The following INPP4A variants were observed in gnomAD, a reference collection of about 807,000 sequenced individuals.
INPP4A encodes the protein inositol polyphosphate-4-phosphatase type I A.
A neutral mutation model predicts 119.8 loss-of-function variants in INPP4A; 33 were observed. That is an observed-to-expected ratio of 0.28 (90% CI 0.21 to 0.37). INPP4A has a LOEUF of 0.37. Among genes scored for constraint, INPP4A ranks in the 10% least tolerant of loss-of-function variants. The pLI, the probability that INPP4A is intolerant of heterozygous loss-of-function variation, is 1.00. For missense variants in INPP4A, 956 were observed against 1,289.9 expected (o/e 0.74, Z 3.97); for synonymous variants, 496 against 500.7 (o/e 0.99, Z 0.12).
chr2:98,537,938 C>A lies in INPP4A; in HGVS notation c.543C>A (p.Pro181=). ...TGGAGGAGAAGTCAGACCAACGGCC[C>A]CCTGTGACCCGGTCTGTGGACACTG... is the stretch of plus-strand genomic sequence containing the variant. ...WQMEEKSDQR[P]PVTRSVDTVN... is the part of the protein sequence containing the mutation. The change falls in exon 8 of 25, where the codon CCC becomes CCA. Residue 181 remains proline (P), a synonymous_variant. Transcript: ENST00000409851. 3 of 1,612,702 alleles carry A rather than the reference C, an allele frequency of 1.9e-6. No homozygotes were observed. The South Asian group carries it at 3.3e-5, about 18-fold the overall frequency.
chr2:98,465,977 C>T (rs971893786), intron 1 of INPP4A, among the ~76,000 whole-genome samples: 1 of 152,156 alleles, frequency 6.6e-6, no homozygotes. Context: ...CCACAAGTCT[C>T]ACTCCAGCCC....
At chr2:98,565,797 A>G (rs369534691) in intron 20 of INPP4A, 31 bp downstream of exon 20, 10 of 1,600,046 alleles carry the variant, frequency 6.2e-6, no homozygotes, top group Middle Eastern at 1.7e-4. Flanking sequence ...TCTCTGAGCC[A>G]GAGAGCGGTT....
Position 98,546,688 on chromosome 2 carries a change from A to C in INPP4A, c.1157A>C (p.Lys386Thr). 6.3e-7 allele frequency: 1 copy of C among 1,584,968 alleles called. No homozygotes were observed. Among genetic ancestry groups the C allele is most frequent in the Middle Eastern group, 1.7e-4 (1 of 6,010 alleles). Residue 386 changes from lysine to threonine, a missense_variant, in exon 13 of 25, where the codon AAG becomes ACG. Lys to Thr is a moderately conservative substitution (Grantham distance 78, BLOSUM62 -1). Transcript: ENST00000409851. This position sits in a 1 kb window ranked among gnomAD's most constrained non-coding sequence, Gnocchi z 4.2. ...AAGCTGCACAAATTTGAAGAGACCA[A>C]GAAACAGTAAGTAGCCAGAGAGGGT... Reference protein sequence around the residue: ...RKKLHKFEETKKHTSSGCQSI... With the variant: ...RKKLHKFEETTKHTSSGCQSI...
chr2:98,523,921 G>A (rs1339003228), intron 4 of INPP4A, among the ~76,000 whole-genome samples: 1 of 152,110 alleles, frequency 6.6e-6, no homozygotes, highest in Non-Finnish European at 1.5e-5. Context: ...ATGATTTTTG[G>A]TTGTGGAAGT....
At chr2:98,477,278 C>G (rs1436654690) in intron 1 of INPP4A, among the ~76,000 whole-genome samples, 3 of 152,196 alleles carry the variant, frequency 2.0e-5, no homozygotes, top group East Asian at 1.9e-4. Flanking sequence ...GTGTGCAGCT[C>G]CCCCGCCGTC....
intron 17 of INPP4A, among the ~76,000 whole-genome samples, chr2:98,563,162 G>C (rs1342046907): frequency 1.3e-5 from 2 of 152,168 alleles, no homozygotes; most frequent in Admixed American, 1.3e-4. Context: ...AAGCTTCTTT[G>C]TTGTTTTCCT....
Position 98,564,731 on chromosome 2 carries a change from T to C in INPP4A, c.2120T>C (p.Leu707Pro), listed in dbSNP as rs1575107446. The stretch of plus-strand genomic sequence containing the variant: ...CGCCAGCTCTACACCATCGGGCTGC[T>C]GGCCCAGTTCGAGAGCCTGCTGAGC... ...FLRQLYTIGL[L>P]AQFESLLSTY... The change falls in exon 19 of 25, where the codon CTG becomes CCG. Residue 707 changes from leucine to proline, a missense_variant. Around this residue, in one of 2 missense-constraint regions of INPP4A, gnomAD observed 304 missense variants for 492.1 expected, o/e 0.62. Coordinates refer to ENST00000409851, the MANE Select transcript of INPP4A (RefSeq NM_001134225.2). 8 of 1,601,908 alleles carry C rather than the reference T, an allele frequency of 5.0e-6. No homozygotes were observed. Among genetic ancestry groups the C allele is most frequent in the Non-Finnish European group, 6.0e-6 (7 of 1,174,386 alleles).
chr2:98,563,471 G>A lies in INPP4A; in HGVS notation c.1862G>A (p.Trp621Ter). ...PPPEESSPGE[W>*]SEALYPLLTT... is the part of the protein sequence containing the mutation. ...CCCTTCGCTTGTGCCCCAGGTGAAT[G>A]GAGTGAGGCCCTTTACCCGCTGCTG... Residue 621 changes from tryptophan (W) to a stop codon, truncating the protein, a stop_gained, in exon 18 of 25, where the codon TGG (tryptophan) becomes TAG (stop). Coordinates refer to ENST00000409851, the MANE Select transcript of INPP4A (RefSeq NM_001134225.2). LOFTEE classifies it high-confidence loss of function. 1 of 1,612,520 alleles carries A rather than the reference G, an allele frequency of 6.2e-7. No individual in the cohort carries two copies. Among genetic ancestry groups the A allele is most frequent in the Middle Eastern group, 1.7e-4 (1 of 6,052 alleles).
intron 10 of INPP4A, among the ~76,000 whole-genome samples, chr2:98,542,009 T>G (rs1236888805): frequency 6.6e-6 from 1 of 152,234 alleles, no homozygotes; most frequent in African/African-American, 2.4e-5. Context: ...TGGATGTTGG[T>G]TGGAAACAGA....
intron 23 of INPP4A, among the ~76,000 whole-genome samples, chr2:98,573,145 C>G (rs1025064944): frequency 2.0e-5 from 3 of 152,178 alleles, no homozygotes; most frequent in African/African-American, 7.2e-5. Flanking sequence ...TTAACACAGT[C>G]CATCTCTTGG....
chr2:98,518,686 A>T (rs1008482307), intron 1 of INPP4A, among the ~76,000 whole-genome samples: 1 of 152,180 alleles, frequency 6.6e-6, no homozygotes, highest in Admixed American at 6.5e-5. Context: ...TCACATTCTC[A>T]TCCCCCTAAA....
intron 1 of INPP4A, among the ~76,000 whole-genome samples, chr2:98,516,487 G>T (rs1686149058): frequency 6.6e-6 from 1 of 152,162 alleles, no homozygotes; most frequent in South Asian, 2.1e-4. Flanking sequence ...GTGGAAAGGG[G>T]TAGGCATGGG....
intron 1 of INPP4A, among the ~76,000 whole-genome samples, chr2:98,498,785 C>T (rs1207904848): frequency 6.6e-6 from 1 of 152,094 alleles, no homozygotes; most frequent in African/African-American, 2.4e-5. Context: ...AACTGGTGTC[C>T]TTATAAGAAG....
In INPP4A at chr2:98,552,799, T is replaced by G. The variant is rs546710365; in HGVS notation, c.1177T>G (p.Cys393Gly). The G allele has an allele frequency of 3.2e-4, 515 of 1,612,794 alleles. 11 individuals are homozygous for G. The South Asian group carries it at 5.2e-3, about 16-fold the overall frequency. ...TATCCTTTCCAGTACATCATCTGGC[T>G]GCCAGTCCATAATCTACATACCCCA... is the stretch of plus-strand genomic sequence containing the variant. ...EETKKHTSSG[C>G]QSIIYIPQDV... Residue 393 changes from cysteine to glycine, a missense_variant, in exon 14 of 25, where the codon TGC (cysteine) becomes GGC (glycine). By Grantham distance (159) the Cys-to-Gly change is radical. Coordinates refer to ENST00000409851, the MANE Select transcript of INPP4A (RefSeq NM_001134225.2).
chr2:98,455,107 G>A lies in INPP4A; in HGVS notation c.-166+10022G>A, dbSNP rs141524622. Among the ~76,000 whole-genome samples the A allele has an allele frequency of 5.2e-3, 793 of 152,300 alleles. 12 individuals are homozygous for A. The highest frequency in any genetic ancestry group is 0.018 in the African/African-American group (738 of 41,576). On this transcript the variant is annotated intron_variant, in intron 1 of 24. Transcript: ENST00000409851. Reference sequence around the variant, plus strand: ...TGATCCCAGCACTTTGGGAGGCCAAGGCAGGAGGATCTCTTGAGCCCAGGA... The same window carrying A: ...TGATCCCAGCACTTTGGGAGGCCAAAGCAGGAGGATCTCTTGAGCCCAGGA...
Position 98,554,857 on chromosome 2 carries a change from G to T in INPP4A, c.1566+368G>T, listed in dbSNP as rs1275221096. ...TCTGTTTGCTGTTAGATTTTCCAGG[G>T]CTATGTGTATTTGGGGACGTGGGAG... On this transcript the variant is annotated intron_variant, in intron 15 of 24. Coordinates refer to ENST00000409851, the MANE Select transcript of INPP4A (RefSeq NM_001134225.2). The surrounding 1 kb of genome is among the most constrained non-coding windows in gnomAD (Gnocchi z 4.7). Among the ~76,000 whole-genome samples, 2 of 152,142 alleles carry T rather than the reference G, an allele frequency of 1.3e-5. No individual in the cohort carries two copies. Among genetic ancestry groups the T allele is most frequent in the Non-Finnish European group, 2.9e-5 (2 of 68,016 alleles).
chr2:98,509,985 G>A (rs1407922218), intron 1 of INPP4A, among the ~76,000 whole-genome samples: 3 of 152,148 alleles, frequency 2.0e-5, no homozygotes, highest in African/African-American at 7.2e-5. Context: ...CAGAGAGGGT[G>A]GCTGATGCAA....
chr2:98,471,366 A>C (rs1397926023), intron 1 of INPP4A, among the ~76,000 whole-genome samples: 3 of 152,216 alleles, frequency 2.0e-5, no homozygotes, highest in Non-Finnish European at 4.4e-5. Flanking sequence ...TGTACTTGGC[A>C]ATCTCGCAAA....
chr2:98,589,497 A>C lies in INPP4A; in HGVS notation c.*1889A>C. 1 of 182,130 alleles carries C rather than the reference A, an allele frequency of 5.5e-6. No individual in the cohort carries two copies. The highest frequency in any genetic ancestry group is 1.2e-5 in the Non-Finnish European group (1 of 85,418). The allele number at this position is 182,130 out of a possible 1,614,324, so 11.3% of individuals were successfully genotyped here. ...TTAAATATCTGCACTCATCAAAGGG[A>C]ATATAGCAAATGTTGATCATCTGTC... On this transcript the variant is annotated 3_prime_UTR_variant, in exon 25 of 25. Coordinates refer to ENST00000409851, the MANE Select transcript of INPP4A (RefSeq NM_001134225.2).
Sources: gnomAD v4.1 joint callset for allele counts (sites outside exome capture counted in the v4.1 genomes callset) on GRCh38, gnomAD v4.1.1 for gene constraint, gnomAD v4.1.1 regional missense constraint, Gnocchi (gnomAD v3.1) non-coding constraint, MANE v1.5 for transcripts, NCBI Gene and HGNC (gene_info 2026-07-23, HGNC 2026-07-21) for gene names.